Variants in YIPF1 observed in about 807,000 individuals in gnomAD.
YIPF1 encodes protein YIPF1.
In YIPF1, 22 loss-of-function variants were observed where a neutral mutation model predicts 37.0. That is an observed-to-expected ratio of 0.59 (90% CI 0.42 to 0.85). The LOEUF (loss-of-function observed/expected upper bound fraction) is 0.85, where lower values mean the gene tolerates loss of function less well. Ranked by LOEUF, YIPF1 falls within the 40% of genes least tolerant of loss-of-function variation. The probability of loss-of-function intolerance (pLI) is 0.00; values close to 1 mark genes in which losing one functional copy is unlikely to be tolerated. For missense variants in YIPF1, 355 were observed against 373.1 expected (o/e 0.95, Z 0.40); for synonymous variants, 128 against 131.9 (o/e 0.97, Z 0.21).
chr1:53,865,783 T>A (rs746965492), intron 9 of YIPF1, among the ~76,000 whole-genome samples: 26 of 152,116 alleles, frequency 1.7e-4, no homozygotes, highest in Non-Finnish European at 3.5e-4. Context: ...TTTCATAGAA[T>A]CAATTTTTTT....
intron 7 of YIPF1, among the ~76,000 whole-genome samples, chr1:53,867,254 G>A (rs1397867284): frequency 6.6e-6 from 1 of 151,962 alleles, no homozygotes; most frequent in Non-Finnish European, 1.5e-5. Context: ...TACTTCAGAG[G>A]GCCACACTGC....
intron 9 of YIPF1, among the ~76,000 whole-genome samples, chr1:53,861,205 A>G (rs980333853): frequency 3.9e-5 from 6 of 152,090 alleles, no homozygotes; most frequent in African/African-American, 1.4e-4. Flanking sequence ...CAACTCTATT[A>G]CTTTTAAGAG....
intron 4 of YIPF1, among the ~76,000 whole-genome samples, chr1:53,879,230 G>C (rs1286189910): frequency 6.6e-6 from 1 of 151,868 alleles, no homozygotes; most frequent in African/African-American, 2.4e-5. Context: ...AAGCAGCTGG[G>C]ACTACACGCG....
At position 53,866,089 on chromosome 1, in the gene YIPF1, C is replaced by T. The variant is rs185017720; in HGVS notation, c.831+111G>A. ...TATTGGGATTATGGGTGTGAGCCAA[C>T]ATGCCCAGCCCATGGACTCAATTTT... On this transcript the variant is annotated intron_variant, in intron 9 of 10. Transcript: ENST00000072644. 942 of 1,370,724 alleles carry T rather than the reference C, an allele frequency of 6.9e-4. 9 individuals carry two copies. The African/African-American group carries it at 0.013, about 18-fold the overall frequency. The allele number at this position is 1,370,724 out of a possible 1,614,324, so 84.9% of individuals were successfully genotyped here.
At chr1:53,869,160 TCACACACACACA>T (rs55922911) in intron 7 of YIPF1, among the ~76,000 whole-genome samples, 2 of 137,982 alleles carry the variant, frequency 1.4e-5, no homozygotes, top group Non-Finnish European at 1.5e-5. Flanking sequence ...TCTCTCTCTC[TCACACACACACA>T]CACACACACA....
At chr1:53,882,141 A>G (rs1487308790) in intron 4 of YIPF1, among the ~76,000 whole-genome samples, 1 of 152,166 alleles carries the variant, frequency 6.6e-6, no homozygotes, top group African/African-American at 2.4e-5. Flanking sequence ...CTTCTCACTT[A>G]TAAGTGGGAG....
chr1:53,861,110 T>TG (rs1248602558), intron 9 of YIPF1, among the ~76,000 whole-genome samples: 1 of 152,202 alleles, frequency 6.6e-6, no homozygotes, highest in African/African-American at 2.4e-5. Context: ...CCCTACCTGT[T>TG]GCTATTCCAT....
In YIPF1 at chr1:53,883,185, T is replaced by G. The variant is rs759039881; in HGVS notation, c.123A>C (p.Pro41=). The G allele has an allele frequency of 1.0e-5, 16 of 1,603,464 alleles. No homozygotes were observed. The highest frequency in any genetic ancestry group is 1.4e-5 in the Non-Finnish European group (16 of 1,175,646). The change falls in exon 4 of 11, where the codon CCA becomes CCC. Residue 41 remains proline (P), a synonymous_variant. Transcript: ENST00000072644. ...EDPGETPKHQ[P]GSPRGSGREE... Reference sequence around the variant, plus strand: ...CTCTTCCTGAGCCTCTTGGGGATCCTGGCTGATGTTTTGGGGTTTCACCAG... The same window carrying G: ...CTCTTCCTGAGCCTCTTGGGGATCCGGGCTGATGTTTTGGGGTTTCACCAG...
intron 7 of YIPF1, among the ~76,000 whole-genome samples, chr1:53,870,386 G>A (rs1263946410): frequency 2.0e-5 from 3 of 147,758 alleles, no homozygotes; most frequent in Non-Finnish European, 4.5e-5. Flanking sequence ...ATGTTGCCCA[G>A]GCTGATCTCA....
At chr1:53,884,721 A>AC (rs1486219058) in intron 3 of YIPF1, among the ~76,000 whole-genome samples, 1 of 152,170 alleles carries the variant, frequency 6.6e-6, no homozygotes, top group Non-Finnish European at 1.5e-5. Context: ...AACCTTACCT[A>AC]CTTGTGTCCA....
At chr1:53,880,635 G>A (rs1007884605) in intron 4 of YIPF1, among the ~76,000 whole-genome samples, 1 of 152,160 alleles carries the variant, frequency 6.6e-6, no homozygotes, top group South Asian at 2.1e-4. Context: ...CAAAGCTGGA[G>A]GCATCATGCT....
chr1:53,883,122 G>C lies in YIPF1; in HGVS notation c.186C>G (p.Asp62Glu), dbSNP rs747000828. 2.5e-6 allele frequency: 4 copies of C among 1,573,272 alleles called. No individual in the cohort carries two copies. In the Admixed American group the frequency reaches 8.2e-5, roughly 32 times the overall value. Residue 62 changes from aspartate to glutamate, a missense_variant, in exon 4 of 11, where the codon GAC (aspartate) becomes GAG (glutamate). Physicochemically the swap from Asp to Glu is conservative, Grantham distance 45. Coordinates refer to ENST00000072644, the MANE Select transcript of YIPF1 (RefSeq NM_018982.5). Reference protein sequence around the residue: ...DDELLGNDDSDKTELLAGQKK... With the variant: ...DDELLGNDDSEKTELLAGQKK... ...AAAGACAAGTTCAAACCTCAGTTTT[G>C]TCAGAGTCATCATTTCCCAGTAACT...
chr1:53,883,067 A>G (rs754717244), intron 4 of YIPF1, 46 bp downstream of exon 4: 1 of 1,526,090 alleles, frequency 6.6e-7, no homozygotes, highest in Non-Finnish European at 8.8e-7. Context: ...GCACATAAAC[A>G]AGCTTTAAAA....
At chr1:53,870,848 A>T (rs1650168419) in intron 7 of YIPF1, among the ~76,000 whole-genome samples, 2 of 151,478 alleles carry the variant, frequency 1.3e-5, no homozygotes, top group Admixed American at 1.3e-4. Context: ...CTATCTCTAT[A>T]AAAAAATAGA....
intron 10 of YIPF1, among the ~76,000 whole-genome samples, chr1:53,855,340 G>A (rs75514548): frequency 0.062 from 9,361 of 151,882 alleles, 422 homozygotes; most frequent in Non-Finnish European, 0.095. Flanking sequence ...GCCAAAGCAG[G>A]GCTTCCCAGG....
At chr1:53,869,064 TGGACAAGAA>T (rs1391093695) in intron 7 of YIPF1, among the ~76,000 whole-genome samples, 1 of 151,526 alleles carries the variant, frequency 6.6e-6, no homozygotes, top group Non-Finnish European at 1.5e-5. Flanking sequence ...GACTCCATGA[TGGACAAGAA>T]GGGAAAGTGG....
chr1:53,884,210 G>A (rs1480694305), intron 3 of YIPF1, among the ~76,000 whole-genome samples: 1 of 141,642 alleles, frequency 7.1e-6, no homozygotes, highest in African/African-American at 2.7e-5. Flanking sequence ...ACTCCAGCCT[G>A]GGCAAGAGAG....
intron 10 of YIPF1, among the ~76,000 whole-genome samples, chr1:53,858,154 A>T (rs1238126899): frequency 6.6e-6 from 1 of 152,112 alleles, no homozygotes; most frequent in Non-Finnish European, 1.5e-5. Flanking sequence ...AAGGGCTCTG[A>T]TCTTCTTTGA....
chr1:53,866,841 T>C lies in YIPF1; in HGVS notation c.565A>G (p.Lys189Glu), dbSNP rs1227741966. The change falls in exon 8 of 11, where the codon AAA becomes GAA. Residue 189 changes from lysine to glutamate, a missense_variant. Transcript: ENST00000072644. ...GAATAGGAGACGATGTTCATAACTT[T>C]GCTGTTTCTCCACATGAGGAAACCC... ...LWGFLMWRNS[K>E]VMNIVSYSFL... 1 of 1,614,100 alleles carries C rather than the reference T, an allele frequency of 6.2e-7. No homozygotes were observed. The highest frequency in any genetic ancestry group is 1.3e-5 in the African/African-American group (1 of 74,938).
Sources: gnomAD v4.1 joint callset for allele counts (sites outside exome capture counted in the v4.1 genomes callset) on GRCh38, gnomAD v4.1.1 for gene constraint, MANE v1.5 for transcripts, NCBI Gene and HGNC (gene_info 2026-07-23, HGNC 2026-07-21) for gene names.